SORT1: variants seen among roughly 807,000 people sequenced by gnomAD.
SORT1 encodes sortilin.
A neutral mutation model predicts 101.7 loss-of-function variants in SORT1; 39 were observed. That is an observed-to-expected ratio of 0.38 (90% CI 0.30 to 0.50). The LOEUF (loss-of-function observed/expected upper bound fraction) is 0.50. Ranked by LOEUF, SORT1 falls within the 20% of genes least tolerant of loss-of-function variation. The pLI, the probability that SORT1 is intolerant of heterozygous loss-of-function variation, is 0.90. For missense variants in SORT1, 878 were observed against 1,040.4 expected (o/e 0.84, Z 2.15); for synonymous variants, 396 against 393.7 (o/e 1.01, Z -0.07).
At chr1:109,367,714 A>G (rs1164695085) in intron 2 of SORT1, among the ~76,000 whole-genome samples, 1 of 152,176 alleles carries the variant, frequency 6.6e-6, no homozygotes. Flanking sequence ...GACTACTCAA[A>G]TACACATTAA....
intron 11 of SORT1, 147 bp from the exon 12 acceptor site, chr1:109,327,748 G>A (rs749557499): frequency 2.1e-6 from 1 of 480,706 alleles, no homozygotes. Context: ...CTATTTAGGT[G>A]TATAGTTCAG....
At chr1:109,336,731 C>G (rs1648856932) in intron 10 of SORT1, among the ~76,000 whole-genome samples, 1 of 151,582 alleles carries the variant, frequency 6.6e-6, no homozygotes, top group Admixed American at 6.6e-5. Flanking sequence ...ATCACTTGAA[C>G]CCGGGAGGTG....
chr1:109,386,100 A>C (rs1445405654), intron 1 of SORT1, among the ~76,000 whole-genome samples: 1 of 152,230 alleles, frequency 6.6e-6, no homozygotes, highest in Non-Finnish European at 1.5e-5. Context: ...TTAATTTATA[A>C]AGAAAGCAGC....
intron 3 of SORT1, 75 bp downstream of exon 3, chr1:109,367,333 C>A: frequency 1.2e-6 from 1 of 839,356 alleles, no homozygotes; most frequent in Non-Finnish European, 2.0e-6. Context: ...TACGTGCCAT[C>A]ATGTCTAGAA....
At chr1:109,357,821 C>A (rs1450025220) in intron 3 of SORT1, among the ~76,000 whole-genome samples, 1 of 152,216 alleles carries the variant, frequency 6.6e-6, no homozygotes, top group Non-Finnish European at 1.5e-5. Flanking sequence ...TTGGGCGCCA[C>A]CCAACAGAGT....
intron 8 of SORT1, among the ~76,000 whole-genome samples, chr1:109,344,234 C>T (rs142772191): frequency 6.6e-6 from 1 of 152,310 alleles, no homozygotes; most frequent in East Asian, 1.9e-4. Context: ...CCCGGCGCTC[C>T]CGCTGCTTCT....
rs764753036 is a variant in SORT1 at position 109,345,822 on chromosome 1, T to G, written c.892A>C (p.Thr298Pro). ...AATGAGTAGATTTTCACACCAATAG[T>G]TTTGAAGCTTTTTCCCAAGTCTGAA... ...RTSDLGKSFK[T>P]IGVKIYSFGL... Residue 298 changes from threonine to proline, a missense_variant, in exon 8 of 20, where the codon ACT becomes CCT. Thr to Pro is a conservative substitution (Grantham distance 38). Around this residue, in one of 2 missense-constraint regions of SORT1, gnomAD observed 684 missense variants for 894.5 expected, o/e 0.76. Transcript: ENST00000256637. 6 of 1,613,338 alleles carry G rather than the reference T, an allele frequency of 3.7e-6. No individual in the cohort carries two copies. In the East Asian group the frequency reaches 1.3e-4, roughly 36 times the overall value.
intron 5 of SORT1, among the ~76,000 whole-genome samples, chr1:109,351,668 G>T (rs1472325209): frequency 6.6e-6 from 1 of 152,180 alleles, no homozygotes; most frequent in Non-Finnish European, 1.5e-5. Flanking sequence ...CTGTGCCATG[G>T]TAAGGACTCC....
chr1:109,334,910 AAATGAT>A (rs536321785), intron 11 of SORT1, among the ~76,000 whole-genome samples: 61 of 152,336 alleles, frequency 4.0e-4, no homozygotes, highest in African/African-American at 1.4e-3. Context: ...AAAATGGCTA[AAATGAT>A]AATAAATATT....
rs1300231953 is a variant in SORT1 at position 109,381,134 on chromosome 1, T to C, written c.307-11545A>G. Among the ~76,000 whole-genome samples, 12 of 152,200 alleles carry C rather than the reference T, an allele frequency of 7.9e-5. No individual in the cohort carries two copies. In the East Asian group the frequency reaches 2.1e-3, roughly 27 times the overall value. On this transcript the variant is annotated intron_variant, in intron 1 of 19. Coordinates refer to ENST00000256637, the MANE Select transcript of SORT1 (RefSeq NM_002959.7). ...ATAAAAACTGAGAACGTCCGTATCA[T>C]GTGCCTGAGCAAATCCTATTCTTAG...
chr1:109,341,034 T>C (rs149899972), intron 9 of SORT1, among the ~76,000 whole-genome samples, 155 bp from the exon 10 acceptor site: 1 of 152,314 alleles, frequency 6.6e-6, no homozygotes, highest in African/African-American at 2.4e-5. Context: ...AATCAAGGTT[T>C]GATACTCAAG....
intron 8 of SORT1, among the ~76,000 whole-genome samples, chr1:109,344,870 T>C (rs1442912417): frequency 6.6e-6 from 1 of 152,152 alleles, no homozygotes; most frequent in South Asian, 2.1e-4. Context: ...CTAATTTTCT[T>C]ATTTTTTGTA....
chr1:109,360,031 A>T (rs1400140538), intron 3 of SORT1, among the ~76,000 whole-genome samples: 1 of 152,206 alleles, frequency 6.6e-6, no homozygotes, highest in Non-Finnish European at 1.5e-5. Context: ...GAAAAGACGA[A>T]AGGTGACTCC....
At chr1:109,393,223 T>C (rs954491603) in intron 1 of SORT1, 12 of 985,418 alleles carry the variant, frequency 1.2e-5, no homozygotes, top group South Asian at 4.7e-5. Flanking sequence ...CTACAGGGCC[T>C]GTTTATTTAA....
In SORT1 at chr1:109,351,009, G is replaced by C. The variant is rs556562529; in HGVS notation, c.709-7C>G. The C allele has an allele frequency of 6.3e-7, 1 of 1,579,316 alleles. No homozygotes were observed. The highest frequency in any genetic ancestry group is 1.1e-5 in the South Asian group (1 of 90,410). On this transcript the variant is annotated splice_region_variant and splice_polypyrimidine_tract_variant and intron_variant, in intron 5 of 19. Coordinates refer to ENST00000256637, the MANE Select transcript of SORT1 (RefSeq NM_002959.7). Reference sequence around the variant, plus strand: ...TGGACACCCACAGGCCATTCTGAAAGATTATAAATGACTTATCAAAATTCT... The same window carrying C: ...TGGACACCCACAGGCCATTCTGAAACATTATAAATGACTTATCAAAATTCT...
intron 10 of SORT1, among the ~76,000 whole-genome samples, chr1:109,337,734 T>C (rs1424346733): frequency 6.6e-6 from 1 of 152,158 alleles, no homozygotes; most frequent in Admixed American, 6.5e-5. Context: ...TTCAAGCGAT[T>C]CTCCTGCCTC....
chr1:109,321,202 C>G (rs1432501005), intron 15 of SORT1, among the ~76,000 whole-genome samples: 1 of 152,086 alleles, frequency 6.6e-6, no homozygotes, highest in Non-Finnish European at 1.5e-5. Flanking sequence ...GGAAGCAAAC[C>G]TATAAATAGT....
intron 1 of SORT1, chr1:109,389,900 A>G (rs1405687737): frequency 6.6e-6 from 1 of 152,188 alleles, no homozygotes; most frequent in Non-Finnish European, 1.5e-5. Context: ...CCTCATGTCT[A>G]GCACTATCTG....
intron 3 of SORT1, among the ~76,000 whole-genome samples, chr1:109,361,241 T>C (rs540516454): frequency 6.6e-6 from 1 of 152,368 alleles, no homozygotes; most frequent in East Asian, 1.9e-4. Context: ...TAGCTAAATA[T>C]GCAATTTCAT....
Sources: allele counts gnomAD v4.1 joint callset (sites outside exome capture counted in the v4.1 genomes callset), GRCh38; gene constraint gnomAD v4.1.1; regional missense constraint gnomAD v4.1.1; transcripts MANE v1.5; gene names NCBI Gene and HGNC (gene_info 2026-07-23, HGNC 2026-07-21).